The following HMGCL variants were observed in gnomAD, a reference collection of about 807,000 sequenced individuals.
HMGCL encodes 3-hydroxy-3-methylglutaryl-CoA lyase.
A neutral mutation model predicts 37.3 loss-of-function variants in HMGCL; 26 were observed. The observed-to-expected ratio is 0.70, with a 90% confidence interval of 0.51 to 0.97. HMGCL has a LOEUF of 0.97. Among genes scored for constraint, HMGCL ranks in the 50% least tolerant of loss-of-function variants. The probability of loss-of-function intolerance (pLI) is 0.00; values close to 1 mark genes in which losing one functional copy is unlikely to be tolerated. For missense variants in HMGCL, 379 were observed against 398.1 expected (o/e 0.95, Z 0.41); for synonymous variants, 151 against 148.0 (o/e 1.02, Z -0.15).
At chr1:23,805,826 A>T (rs1557486659) in intron 7 of HMGCL, among the ~76,000 whole-genome samples, 1 of 152,070 alleles carries the variant, frequency 6.6e-6, no homozygotes, top group Non-Finnish European at 1.5e-5. Flanking sequence ...AACTGCTGAG[A>T]TCCGGTCACG....
chr1:23,823,575 A>G (rs1638761900), intron 1 of HMGCL, among the ~76,000 whole-genome samples: 1 of 151,890 alleles, frequency 6.6e-6, no homozygotes, highest in Non-Finnish European at 1.5e-5. Flanking sequence ...CTGGTCCCGA[A>G]CTCCCGACCT....
At chr1:23,824,364 GC>G (rs1306744574) in intron 1 of HMGCL, among the ~76,000 whole-genome samples, 1 of 152,152 alleles carries the variant, frequency 6.6e-6, no homozygotes, top group Non-Finnish European at 1.5e-5. Flanking sequence ...CCCATGGAGG[GC>G]CATCTCATTA....
chr1:23,825,346 G>T lies in HMGCL; in HGVS notation c.60+10C>A. The T allele has an allele frequency of 6.4e-7, 1 of 1,554,156 alleles. No homozygotes were observed. The highest frequency in any genetic ancestry group is 8.7e-7 in the Non-Finnish European group (1 of 1,149,014). On this transcript the variant is annotated intron_variant, in intron 1 of 8. Coordinates refer to ENST00000374490, the MANE Select transcript of HMGCL (RefSeq NM_000191.3). ...GCAGGGCCGCCGCCTCGGCGGCTCG[G>T]GGCACTTACAGCCCGGAGGGACGCC...
At position 23,825,359 on chromosome 1, in the gene HMGCL, C is replaced by A; in HGVS notation, c.57G>T (p.Arg19=). 6.4e-7 allele frequency: 1 copy of A among 1,558,260 alleles called. No homozygotes were observed. Among genetic ancestry groups the A allele is most frequent in the Non-Finnish European group, 8.7e-7 (1 of 1,151,758 alleles). ...PRRLVGLASL[R]AVSTSSMGTL... ...CTCGGCGGCTCGGGGCACTTACAGC[C>A]CGGAGGGACGCCAAGCCCACCAGTC... Residue 19 remains arginine, a synonymous_variant, in exon 1 of 9, where the codon CGG becomes CGT. Transcript: ENST00000374490.
At chr1:23,802,677 A>T in intron 8 of HMGCL, 113 bp from the exon 9 acceptor site, 2 of 786,012 alleles carry the variant, frequency 2.5e-6, no homozygotes, top group South Asian at 2.8e-5. Flanking sequence ...GAAGATAAAC[A>T]GGCTTTTTCC....
chr1:23,811,678 C>A (rs890203299), intron 5 of HMGCL, among the ~76,000 whole-genome samples: 7 of 152,066 alleles, frequency 4.6e-5, no homozygotes, highest in Admixed American at 2.6e-4. Flanking sequence ...ACAGCTGAGG[C>A]AGACAGAGCA....
At chr1:23,810,477 C>T (rs938067502) in intron 6 of HMGCL, 4 of 463,356 alleles carry the variant, frequency 8.6e-6, no homozygotes, top group African/African-American at 2.0e-5. Flanking sequence ...ATCACCTCAA[C>T]GACCAGACTG....
At chr1:23,802,763 G>C (rs1638309244) in intron 8 of HMGCL, among the ~76,000 whole-genome samples, 199 bp from the exon 9 acceptor site, 1 of 152,200 alleles carries the variant, frequency 6.6e-6, no homozygotes, top group African/African-American at 2.4e-5. Context: ...TCCCCCTCAT[G>C]TAAGATGCCC....
At chr1:23,817,839 C>G (rs542698771) in intron 2 of HMGCL, among the ~76,000 whole-genome samples, 46 of 152,274 alleles carry the variant, frequency 3.0e-4, no homozygotes, top group African/African-American at 9.9e-4. Flanking sequence ...GATGACTAAC[C>G]CTCTGGGGAG....
chr1:23,808,425 A>G, intron 6 of HMGCL, 102 bp from the exon 7 acceptor site: 2 of 914,314 alleles, frequency 2.2e-6, no homozygotes, highest in Non-Finnish European at 3.7e-6. Flanking sequence ...ACTTCTGGGT[A>G]TGACGCACTC....
Position 23,806,887 on chromosome 1 carries a change from TA to T in HMGCL, c.750+1247del. 2 of 494,822 alleles carry T rather than the reference TA, an allele frequency of 4.0e-6. No individual in the cohort carries two copies. Among genetic ancestry groups the T allele is most frequent in the South Asian group, 2.9e-5 (2 of 69,146 alleles). 30.7% of individuals were successfully genotyped at this position (494,822 alleles called of 1,614,324 possible). On this transcript the variant is annotated intron_variant, in intron 7 of 8. Coordinates refer to ENST00000374490, the MANE Select transcript of HMGCL (RefSeq NM_000191.3). This position sits in a 1 kb window ranked among gnomAD's most constrained non-coding sequence, Gnocchi z 4.0. ...TTCCATCTGTCTTCCCCACCCACCA[TA>T]ACATGAGCTCCCAGAGGGCAGGGAT...
chr1:23,806,807 G>T lies in HMGCL; in HGVS notation c.750+1328C>A. On this transcript the variant is annotated intron_variant, in intron 7 of 8. Coordinates refer to ENST00000374490, the MANE Select transcript of HMGCL (RefSeq NM_000191.3). The surrounding 1 kb of genome is among the most constrained non-coding windows in gnomAD (Gnocchi z 4.0). ...TAGCACACTAGGCACCGTTAGGTTA[G>T]GTTTTAATAGGTGAATAAATGGTCT... The T allele has an allele frequency of 2.6e-6, 1 of 378,430 alleles. No individual in the cohort carries two copies. Among genetic ancestry groups the T allele is most frequent in the Admixed American group, 3.2e-5 (1 of 31,332 alleles). The allele number at this position is 378,430 out of a possible 1,614,324, so 23.4% of individuals were successfully genotyped here. A position where few individuals can be genotyped will look rare whatever the true frequency, so the allele number is the denominator to read the frequency against.
Position 23,825,307 on chromosome 1 carries a change from C to T in HMGCL, c.60+49G>A, listed in dbSNP as rs1312353704. ...CCACGGGCCAAGCCCCCAACCCTGA[C>T]AGTCAGAGTGCCTGCAGGGCCGCCG... On this transcript the variant is annotated intron_variant, in intron 1 of 8. Coordinates refer to ENST00000374490, the MANE Select transcript of HMGCL (RefSeq NM_000191.3). 3 of 1,461,026 alleles carry T rather than the reference C, an allele frequency of 2.1e-6. No homozygotes were observed. In the South Asian group the frequency reaches 3.6e-5, roughly 18 times the overall value. 90.5% of individuals were successfully genotyped at this position (1,461,026 alleles called of 1,614,324 possible).
At position 23,820,465 on chromosome 1, in the gene HMGCL, C is replaced by A. The variant is rs778644883; in HGVS notation, c.144+45G>T. The A allele has an allele frequency of 2.3e-6, 3 of 1,301,260 alleles. No individual in the cohort carries two copies. The South Asian group carries it at 3.5e-5, about 15-fold the overall frequency. 80.6% of individuals were successfully genotyped at this position (1,301,260 alleles called of 1,614,324 possible). A position where few individuals can be genotyped will look rare whatever the true frequency, so the allele number is the denominator to read the frequency against. ...CACCTATCACACGTAATACTCAAAG[C>A]AGATGCTTGAAAAAACTGTTTTTTT... On this transcript the variant is annotated intron_variant, in intron 2 of 8. Coordinates refer to ENST00000374490, the MANE Select transcript of HMGCL (RefSeq NM_000191.3).
At chr1:23,821,587 A>T (rs118163676) in intron 1 of HMGCL, among the ~76,000 whole-genome samples, 2 of 152,112 alleles carry the variant, frequency 1.3e-5, no homozygotes, top group East Asian at 3.9e-4. Context: ...TGAGCCCAGA[A>T]GGTTGAGCCT....
At chr1:23,808,103 C>A (rs1391290568) in intron 7 of HMGCL, 32 bp downstream of exon 7, 1 of 1,595,418 alleles carries the variant, frequency 6.3e-7, no homozygotes, top group East Asian at 2.2e-5. Flanking sequence ...CCACCGTGAC[C>A]TTTGGGAGAA....
chr1:23,811,092 G>T (rs1638512200), intron 5 of HMGCL, among the ~76,000 whole-genome samples: 1 of 152,176 alleles, frequency 6.6e-6, no homozygotes, highest in Non-Finnish European at 1.5e-5. Context: ...GGCAAGGAGA[G>T]TAAGCAGCTG....
chr1:23,806,973 G>T lies in HMGCL; in HGVS notation c.750+1162C>A. ...ACCTGGCACATCGATCCATATTTCC[G>T]AAGTAACTGATGGAAGAGGGAGGTC... On this transcript the variant is annotated intron_variant, in intron 7 of 8. Transcript: ENST00000374490. This position sits in a 1 kb window ranked among gnomAD's most constrained non-coding sequence, Gnocchi z 4.0. The T allele has an allele frequency of 1.9e-6, 1 of 518,892 alleles. No individual in the cohort carries two copies. Among genetic ancestry groups the T allele is most frequent in the Non-Finnish European group, 3.8e-6 (1 of 259,874 alleles). The allele number at this position is 518,892 out of a possible 1,614,324, so 32.1% of individuals were successfully genotyped here.
At chr1:23,821,454 G>A (rs185703087) in intron 1 of HMGCL, among the ~76,000 whole-genome samples, 12 of 152,130 alleles carry the variant, frequency 7.9e-5, no homozygotes, top group East Asian at 7.7e-4. Flanking sequence ...CCAGAGGTTC[G>A]AGATCAGCCT....
Sources: allele counts gnomAD v4.1 joint callset (sites outside exome capture counted in the v4.1 genomes callset), GRCh38; gene constraint gnomAD v4.1.1; non-coding constraint Gnocchi (gnomAD v3.1); transcripts MANE v1.5; gene names NCBI Gene and HGNC (gene_info 2026-07-23, HGNC 2026-07-21).